Variants in IL1RAPL1 observed in about 807,000 individuals in gnomAD.
The protein encoded by IL1RAPL1 is interleukin 1 receptor accessory protein like 1, also known as interleukin-1 receptor accessory protein-like 1.
Under a neutral mutation model 48.4 loss-of-function variants are expected in IL1RAPL1, and 3 were observed. The ratio of observed to expected loss-of-function variants is 0.06; its 90% confidence interval spans 0.03 to 0.16. The LOEUF is 0.16. Among genes scored for constraint, IL1RAPL1 ranks in the 10% least tolerant of loss-of-function variants. The pLI is 1.00. For missense variants in IL1RAPL1, 349 were observed against 530.6 expected (o/e 0.66, Z 3.36); for synonymous variants, 185 against 187.7 (o/e 0.99, Z 0.12).
intron 1 of IL1RAPL1, among the ~76,000 whole-genome samples, chrX:28,696,296 A>G (rs1031935638): frequency 9.0e-6 from 1 of 110,819 alleles, no homozygotes; most frequent in Admixed American, 9.7e-5. Flanking sequence ...CTATTTAGGA[A>G]TTACAGCCAC....
chrX:28,763,603 T>C (rs1936201077), intron 1 of IL1RAPL1, among the ~76,000 whole-genome samples: 1 of 111,116 alleles, frequency 9.0e-6, no homozygotes, highest in African/African-American at 3.3e-5. Flanking sequence ...GAATAAAAAC[T>C]AGTTGAATAG....
At chrX:29,871,330 G>A (rs1931794593) in intron 6 of IL1RAPL1, among the ~76,000 whole-genome samples, 1 of 112,146 alleles carries the variant, frequency 8.9e-6, no homozygotes, top group Admixed American at 9.4e-5. Context: ...AGGTTCAGAT[G>A]TAGACATCCT....
chrX:29,632,758 T>C (rs1397380146), intron 5 of IL1RAPL1, among the ~76,000 whole-genome samples: 2 of 111,319 alleles, frequency 1.8e-5, no homozygotes, highest in African/African-American at 6.5e-5. Context: ...ATGTCATTTT[T>C]TTCACTCTTT....
rs1486010097 is a variant in IL1RAPL1, at chrX:28,789,865, A to G, written c.82+440A>G. ...GATTTGATGAATTGCTTGGAAGTAT[A>G]TAAAGAAAATACTAGTGTTATTGAA... On this transcript the variant is annotated intron_variant, in intron 2 of 10. Transcript: ENST00000378993. Among the ~76,000 whole-genome samples the G allele has an allele frequency of 4.5e-5, 5 of 112,192 alleles. No homozygotes were observed. The South Asian group carries it at 1.8e-3, about 41-fold the overall frequency.
chrX:29,470,435 A>G (rs1242596764), intron 5 of IL1RAPL1, among the ~76,000 whole-genome samples: 2 of 110,912 alleles, frequency 1.8e-5, no homozygotes, highest in Non-Finnish European at 3.8e-5. Context: ...TATGTAACCT[A>G]TCTTTCTCAA....
rs150191274 is a variant in IL1RAPL1 at position 29,781,342 on chromosome X, A to G, written c.778+112838A>G. 2.9e-3 allele frequency among the ~76,000 whole-genome samples: 327 copies of G among 111,806 alleles called. 4 individuals are homozygous for G. Among genetic ancestry groups the G allele is most frequent in the African/African-American group, 0.01 (311 of 30,809 alleles). On this transcript the variant is annotated intron_variant, in intron 6 of 10. Coordinates refer to ENST00000378993, the MANE Select transcript of IL1RAPL1 (RefSeq NM_014271.4). ...TAAGGAAAGAGGATGAAATGGCAGA[A>G]AAGTAGTGACTCCCCAGGTGCAAAT...
chrX:29,128,288 C>G (rs977122132), intron 2 of IL1RAPL1, among the ~76,000 whole-genome samples: 3 of 111,170 alleles, frequency 2.7e-5, no homozygotes, highest in East Asian at 2.9e-4. Flanking sequence ...AAGCATGACC[C>G]AAACCCATGG....
Position 29,145,036 on chromosome X carries a change from A to G in IL1RAPL1, c.83-137902A>G, listed in dbSNP as rs150611504. Among the ~76,000 whole-genome samples, 964 of 110,891 alleles carry G rather than the reference A, an allele frequency of 8.7e-3. 6 individuals carry two copies. Among genetic ancestry groups the G allele is most frequent in the African/African-American group, 0.029 (873 of 30,516 alleles). On this transcript the variant is annotated intron_variant, in intron 2 of 10. Coordinates refer to ENST00000378993, the MANE Select transcript of IL1RAPL1 (RefSeq NM_014271.4). ...GAGCCACCATGCCCGGCCTGATCTT[A>G]TTTTTAAAGAGTGTAAATGTAATCT...
chrX:29,477,697 A>G (rs1934993199), intron 5 of IL1RAPL1, among the ~76,000 whole-genome samples: 2 of 112,205 alleles, frequency 1.8e-5, no homozygotes, highest in South Asian at 7.5e-4. Context: ...GATACTGAGT[A>G]GTTATGAGAA....
intron 5 of IL1RAPL1, among the ~76,000 whole-genome samples, chrX:29,480,291 CATATATATATATAT>C (rs61703733): frequency 3.1e-4 from 24 of 76,602 alleles, no homozygotes; most frequent in African/African-American, 1.2e-3. Context: ...CACACATATA[CATATATATATATAT>C]ATATATATAT....
intron 3 of IL1RAPL1, among the ~76,000 whole-genome samples, chrX:29,321,982 C>T (rs1037714542): frequency 7.3e-5 from 8 of 108,930 alleles, no homozygotes; most frequent in African/African-American, 1.0e-4. Context: ...TATGAAACTT[C>T]GTTCTTATAA....
intron 2 of IL1RAPL1, among the ~76,000 whole-genome samples, chrX:29,024,933 C>T (rs774953496): frequency 8.9e-6 from 1 of 111,820 alleles, no homozygotes; most frequent in East Asian, 2.8e-4. Context: ...AAAAGAAACA[C>T]CATACTTGTT....
chrX:28,796,485 T>A (rs1403019555), intron 2 of IL1RAPL1, among the ~76,000 whole-genome samples: 1 of 111,700 alleles, frequency 9.0e-6, no homozygotes, highest in African/African-American at 3.3e-5. Context: ...GCATTCCAAA[T>A]GGGAGAAATT....
At position 29,641,030 on chromosome X, in the gene IL1RAPL1, G is replaced by A. The variant is rs146731993; in HGVS notation, c.704-27400G>A. Among the ~76,000 whole-genome samples the A allele has an allele frequency of 9.3e-3, 1,040 of 111,373 alleles. 11 individuals are homozygous for A. The highest frequency in any genetic ancestry group is 0.033 in the African/African-American group (1,001 of 30,580). Reference sequence around the variant, plus strand: ...AAAAAAAAAATTAAAAATTAGCTAGGCATGGTGGTACGCATCTGTAGTCCC... The same window carrying A: ...AAAAAAAAAATTAAAAATTAGCTAGACATGGTGGTACGCATCTGTAGTCCC... On this transcript the variant is annotated intron_variant, in intron 5 of 10. Coordinates refer to ENST00000378993, the MANE Select transcript of IL1RAPL1 (RefSeq NM_014271.4).
intron 1 of IL1RAPL1, among the ~76,000 whole-genome samples, chrX:28,772,123 G>A (rs1166875887): frequency 2.7e-5 from 3 of 110,503 alleles, no homozygotes; most frequent in African/African-American, 9.9e-5. Flanking sequence ...TTCATTGTTG[G>A]TAGATGAAAA....
At position 28,628,596 on chromosome X, in the gene IL1RAPL1, T is replaced by TA. The variant is rs200586722; in HGVS notation, c.-25+40551dup. 1.5e-3 allele frequency among the ~76,000 whole-genome samples: 165 copies of TA among 112,460 alleles called. 3 individuals carry two copies. The East Asian group carries it at 0.03, about 20-fold the overall frequency. ...GCTGAAGCCTTAAGCAGATGAGCTT[T>TA]AAGCAGCTGAGCCCTTTATGTTCTT... On this transcript the variant is annotated intron_variant, in intron 1 of 10. Coordinates refer to ENST00000378993, the MANE Select transcript of IL1RAPL1 (RefSeq NM_014271.4).
chrX:29,925,980 T>A (rs1196607985), intron 8 of IL1RAPL1, among the ~76,000 whole-genome samples: 1 of 111,733 alleles, frequency 8.9e-6, no homozygotes, highest in African/African-American at 3.3e-5. Context: ...AGTTAGTTAT[T>A]TTTTTGCCTC....
intron 6 of IL1RAPL1, among the ~76,000 whole-genome samples, chrX:29,855,109 G>A (rs1025726724): frequency 2.7e-5 from 3 of 111,688 alleles, no homozygotes; most frequent in African/African-American, 9.8e-5. Context: ...TGGGGGATTA[G>A]TATCCAAGCC....
intron 1 of IL1RAPL1, among the ~76,000 whole-genome samples, chrX:28,630,344 A>G (rs1934385738): frequency 8.9e-6 from 1 of 111,827 alleles, no homozygotes; most frequent in Non-Finnish European, 1.9e-5. Context: ...ACAGCAATCC[A>G]ATCAGGACAC....
Sources: gnomAD v4.1 joint callset for allele counts (sites outside exome capture counted in the v4.1 genomes callset) on GRCh38, gnomAD v4.1.1 for gene constraint, MANE v1.5 for transcripts, NCBI Gene and HGNC (gene_info 2026-07-23, HGNC 2026-07-21) for gene names.